LPAR6: variants seen among roughly 807,000 people sequenced by gnomAD.
LPAR6 encodes lysophosphatidic acid receptor 6.
Under a neutral mutation model 22.0 loss-of-function variants are expected in LPAR6, and 17 were observed. The observed-to-expected ratio is 0.77, with a 90% CI of 0.53 to 1.16. The LOEUF is 1.16. Among genes scored for constraint, LPAR6 ranks in the 50% most tolerant of loss-of-function variants. The pLI, the probability that LPAR6 is intolerant of heterozygous loss-of-function variation, is 0.00. For synonymous variants in LPAR6, 136 were observed against 139.8 expected (o/e 0.97, Z 0.19); for missense variants, 384 against 406.9 (o/e 0.94, Z 0.48).
chr13:48,422,371 TG>T (rs1949019472), intron 2 of LPAR6, among the ~76,000 whole-genome samples: 1 of 151,850 alleles, frequency 6.6e-6, no homozygotes, highest in Non-Finnish European at 1.5e-5. Context: ...CTGTCGGGGT[TG>T]GGGGTTAGAG....
chr13:48,423,335 C>G (rs538691786), intron 1 of LPAR6, among the ~76,000 whole-genome samples: 1 of 151,932 alleles, frequency 6.6e-6, no homozygotes, highest in African/African-American at 2.4e-5. Flanking sequence ...AGTGCAGTGG[C>G]GCGATCTCGG....
chr13:48,395,244 T>A (rs1948638670), intron 1 of LPAR6, among the ~76,000 whole-genome samples: 1 of 151,990 alleles, frequency 6.6e-6, no homozygotes, highest in Admixed American at 6.6e-5. Flanking sequence ...CATTTGAAGG[T>A]CATCAACATC....
chr13:48,407,635 C>T (rs556846671), downstream of LPAR6, among the ~76,000 whole-genome samples: 6 of 152,190 alleles, frequency 3.9e-5, no homozygotes, highest in South Asian at 6.2e-4. Flanking sequence ...GTACTCTGGT[C>T]GGTTTAGATA....
At chr13:48,405,514 C>G (rs779923581) in intron 1 of LPAR6, among the ~76,000 whole-genome samples, 2 of 152,176 alleles carry the variant, frequency 1.3e-5, no homozygotes, top group Non-Finnish European at 2.9e-5. Flanking sequence ...ATGGCATGCA[C>G]AGCCCACAGA....
At chr13:48,403,179 G>A (rs1345848031) in intron 1 of LPAR6, among the ~76,000 whole-genome samples, 1 of 152,094 alleles carries the variant, frequency 6.6e-6, no homozygotes, top group African/African-American at 2.4e-5. Context: ...CAGTCAAAGG[G>A]CTTAAGTAGT....
Position 48,412,997 on chromosome 13 carries a change from T to G in LPAR6, c.-574A>C, listed in dbSNP as rs1291273791. ...TGTTTTCCTGCAGTGGATCCCAGAT[T>G]GTGGGTAAGCAGAAGAGTCTTTTAA... On this transcript the variant is annotated 5_prime_UTR_variant, in exon 1 of 1. Coordinates refer to ENST00000620633, the MANE Select transcript of LPAR6 (RefSeq NM_001162498.3). The G allele has an allele frequency of 1.2e-5, 2 of 168,922 alleles. No homozygotes were observed. Among genetic ancestry groups the G allele is most frequent in the East Asian group, 1.9e-4 (1 of 5,276 alleles). 10.5% of individuals were successfully genotyped at this position (168,922 alleles called of 1,614,324 possible). A position where few individuals can be genotyped will look rare whatever the true frequency, so the allele number is the denominator to read the frequency against.
chr13:48,399,717 G>C (rs917759763), intron 1 of LPAR6, among the ~76,000 whole-genome samples: 1 of 151,986 alleles, frequency 6.6e-6, no homozygotes, highest in Non-Finnish European at 1.5e-5. Flanking sequence ...ATGTAAGCCT[G>C]AGTTCTTCAT....
chr13:48,417,544 G>A (rs951734105), upstream of LPAR6, among the ~76,000 whole-genome samples: 4 of 151,902 alleles, frequency 2.6e-5, no homozygotes, highest in East Asian at 3.9e-4. Context: ...ACAACTCCTC[G>A]CCAGCAAGGG....
At chr13:48,409,328 T>G (rs1948769184), downstream of LPAR6, among the ~76,000 whole-genome samples, 1 of 151,822 alleles carries the variant, frequency 6.6e-6, no homozygotes. Context: ...ACTGTTATTT[T>G]ATTGAAAATG....
At chr13:48,398,325 C>T (rs1212514274) in intron 1 of LPAR6, among the ~76,000 whole-genome samples, 2 of 152,140 alleles carry the variant, frequency 1.3e-5, no homozygotes, top group Admixed American at 6.6e-5. Flanking sequence ...TTGACTTCCA[C>T]AGCTAAATAC....
downstream of LPAR6, among the ~76,000 whole-genome samples, chr13:48,410,051 C>T (rs1410394220): frequency 6.6e-6 from 1 of 152,068 alleles, no homozygotes; most frequent in Non-Finnish European, 1.5e-5. Flanking sequence ...ATGTAAGGAA[C>T]TGTGTCCTTA....
intron 1 of LPAR6, among the ~76,000 whole-genome samples, chr13:48,433,479 C>G (rs1949150837): frequency 6.6e-6 from 1 of 151,974 alleles, no homozygotes; most frequent in Admixed American, 6.6e-5. Context: ...CTCAGAGTAC[C>G]TGCTGGAGAT....
At chr13:48,418,158 G>A (rs1948945786) in intron 2 of LPAR6, among the ~76,000 whole-genome samples, 1 of 152,184 alleles carries the variant, frequency 6.6e-6, no homozygotes, top group Non-Finnish European at 1.5e-5. Flanking sequence ...ACAAAGGGAA[G>A]CCCATCAGAC....
At chr13:48,440,744 A>T (rs528798254) in intron 1 of LPAR6, among the ~76,000 whole-genome samples, 1 of 152,324 alleles carries the variant, frequency 6.6e-6, no homozygotes, top group East Asian at 1.9e-4. Flanking sequence ...AAAAAGAGAC[A>T]TCTCTTATAC....
chr13:48,419,599 C>A (rs531832608), intron 2 of LPAR6, among the ~76,000 whole-genome samples: 9 of 152,088 alleles, frequency 5.9e-5, no homozygotes. Flanking sequence ...AATCCAGGAG[C>A]TGGTTTTTTG....
At position 48,412,344 on chromosome 13, in the gene LPAR6, ACCATGCTGAACATGCAC is replaced by A; in HGVS notation, c.63_79del (p.Cys22ValfsTer24). The A allele has an allele frequency of 6.2e-7, 1 of 1,613,542 alleles. No individual in the cohort carries two copies. On this transcript the variant is annotated frameshift_variant, in exon 1 of 1. Transcript: ENST00000620633. LOFTEE classifies it high-confidence loss of function. ...ATTGGATATTAACCCAAGCACAAACACCATGCTGAACATGCACCCATACAAAGTGTACTTAAAGGAGT... is the reference window on the plus strand; with the variant it reads ...ATTGGATATTAACCCAAGCACAAACACCATACAAAGTGTACTTAAAGGAGT...
rs569374459 is a variant in LPAR6 at position 48,402,102 on chromosome 13, T to C, written n.115-12290A>G. On this transcript the variant is annotated intron_variant and non_coding_transcript_variant, in intron 1 of 1. Transcript: ENST00000462781. ...GTGGAGAAGTGAAATTACTTGTCTT[T>C]TACATGAGTCATAAACAAAAATGAA... Among the ~76,000 whole-genome samples, 122 of 152,264 alleles carry C rather than the reference T, an allele frequency of 8.0e-4. No homozygotes were observed. In the Middle Eastern group the frequency reaches 0.017, roughly 21 times the overall value.
At chr13:48,439,983 A>G (rs1271760957) in intron 1 of LPAR6, among the ~76,000 whole-genome samples, 1 of 152,128 alleles carries the variant, frequency 6.6e-6, no homozygotes. Flanking sequence ...TATATACATA[A>G]GTCTAAATAT....
Position 48,411,261 on chromosome 13 carries a change from A to T in LPAR6, c.*128T>A. On this transcript the variant is annotated 3_prime_UTR_variant, in exon 1 of 1. Coordinates refer to ENST00000620633, the MANE Select transcript of LPAR6 (RefSeq NM_001162498.3). ...CACATTGAATACAAATTTTCTTTAT[A>T]CTAAAGACTTTAAAATGTCCATGTG... The T allele has an allele frequency of 1.3e-6, 1 of 782,566 alleles. No homozygotes were observed. Among genetic ancestry groups the T allele is most frequent in the Non-Finnish European group, 2.2e-6 (1 of 452,918 alleles). 48.5% of individuals were successfully genotyped at this position (782,566 alleles called of 1,614,324 possible). A position where few individuals can be genotyped will look rare whatever the true frequency, so the allele number is the denominator to read the frequency against.
Sources: gnomAD v4.1 joint callset for allele counts (sites outside exome capture counted in the v4.1 genomes callset) on GRCh38, gnomAD v4.1.1 for gene constraint, MANE v1.5 for transcripts, NCBI Gene and HGNC (gene_info 2026-07-23, HGNC 2026-07-21) for gene names.